The following SORCS1 variants were observed in gnomAD, a reference collection of about 807,000 sequenced individuals.
SORCS1 encodes sortilin related VPS10 domain containing receptor 1, also known as VPS10 domain-containing receptor SorCS1.
In SORCS1, 60 loss-of-function variants were observed where a neutral mutation model predicts 146.1. That is an observed-to-expected ratio of 0.41 (90% CI 0.33 to 0.51). SORCS1 has a LOEUF of 0.51. SORCS1 is among the 20% of genes least tolerant of loss of function. The pLI is 0.21. For missense variants in SORCS1, 1,352 were observed against 1,487.6 expected (o/e 0.91, Z 1.50); for synonymous variants, 637 against 584.0 (o/e 1.09, Z -1.31).
intron 1 of SORCS1, among the ~76,000 whole-genome samples, chr10:107,048,568 ATTAT>A (rs1419445046): frequency 1.3e-5 from 2 of 152,210 alleles, no homozygotes; most frequent in African/African-American, 4.8e-5. Context: ...TTTTCAATGA[ATTAT>A]TTAATAATAT....
chr10:106,697,670 G>A (rs776565543), intron 9 of SORCS1, among the ~76,000 whole-genome samples: 2 of 152,014 alleles, frequency 1.3e-5, no homozygotes, highest in African/African-American at 2.4e-5. Flanking sequence ...CCTGTGCTCC[G>A]TGCTTTGAAA....
intron 3 of SORCS1, among the ~76,000 whole-genome samples, chr10:106,798,127 G>C (rs577430569): frequency 2.0e-5 from 3 of 152,074 alleles, no homozygotes; most frequent in Non-Finnish European, 2.9e-5. Flanking sequence ...TAAGTCTCAC[G>C]AGATCTGATG....
chr10:106,680,147 C>CA (rs1564850965), intron 10 of SORCS1, among the ~76,000 whole-genome samples: 1 of 151,906 alleles, frequency 6.6e-6, no homozygotes, highest in Admixed American at 6.6e-5. Context: ...TGAATGACTC[C>CA]AAAAAGAAAA....
intron 2 of SORCS1, among the ~76,000 whole-genome samples, chr10:106,861,399 TAAAAAAAAA>T (rs35890575): frequency 7.0e-5 from 9 of 128,288 alleles, no homozygotes; most frequent in Non-Finnish European, 1.1e-4. Context: ...GACTCCGCCT[TAAAAAAAAA>T]AAAAAAAAAG....
chr10:106,834,326 G>C (rs901177096), intron 2 of SORCS1, among the ~76,000 whole-genome samples: 3 of 152,070 alleles, frequency 2.0e-5, no homozygotes, highest in Non-Finnish European at 4.4e-5. Context: ...CATTTTCCAA[G>C]AACAAAAAAT....
chr10:107,021,513 CAAAAAAAAAAAAA>C (rs869141427), intron 1 of SORCS1, among the ~76,000 whole-genome samples: 19 of 68,594 alleles, frequency 2.8e-4, no homozygotes, highest in Admixed American at 8.5e-4. Flanking sequence ...CACTCCGTCT[CAAAAAAAAAAAAA>C]AAAAAAAAAA....
intron 2 of SORCS1, among the ~76,000 whole-genome samples, chr10:106,929,557 T>C (rs1472790461): frequency 2.0e-5 from 3 of 152,238 alleles, no homozygotes; most frequent in Non-Finnish European, 2.9e-5. Flanking sequence ...ATTAGAGTGC[T>C]AATCAGCTTC....
chr10:107,103,004 CTA>C (rs1407992737), intron 1 of SORCS1, among the ~76,000 whole-genome samples: 12 of 152,074 alleles, frequency 7.9e-5, no homozygotes, highest in Non-Finnish European at 1.8e-4. Flanking sequence ...CATTTTTTGC[CTA>C]TCTAATTCGT....
At chr10:107,110,326 G>A (rs758480929) in intron 1 of SORCS1, among the ~76,000 whole-genome samples, 3 of 152,086 alleles carry the variant, frequency 2.0e-5, no homozygotes, top group Non-Finnish European at 4.4e-5. Flanking sequence ...CCTAAGACAA[G>A]GTAATTTATA....
intron 1 of SORCS1, among the ~76,000 whole-genome samples, chr10:107,087,134 TTTTAC>T: frequency 6.6e-6 from 1 of 152,342 alleles, no homozygotes; most frequent in African/African-American, 2.4e-5. Flanking sequence ...GCTTCATCTC[TTTTAC>T]TTTAAGTCCG....
chr10:106,675,227 C>A, intron 13 of SORCS1, 71 bp from the exon 14 acceptor site: 1 of 1,135,424 alleles, frequency 8.8e-7, no homozygotes, highest in Admixed American at 1.9e-5. Flanking sequence ...AGGAAAGATA[C>A]TCTCAACCCA....
chr10:106,958,131 G>T (rs1589792858), intron 1 of SORCS1, among the ~76,000 whole-genome samples: 1 of 152,312 alleles, frequency 6.6e-6, no homozygotes, highest in East Asian at 1.9e-4. Flanking sequence ...CACTTGCGAA[G>T]ATTCCACAGA....
At chr10:106,761,455 G>T in intron 5 of SORCS1, 133 bp downstream of exon 5, 1 of 702,422 alleles carries the variant, frequency 1.4e-6, no homozygotes, top group Non-Finnish European at 2.5e-6. Flanking sequence ...TGCCCTGAGG[G>T]GATGTGGGCA....
At chr10:107,117,504 G>A (rs1966118090) in intron 1 of SORCS1, among the ~76,000 whole-genome samples, 1 of 152,268 alleles carries the variant, frequency 6.6e-6, no homozygotes, top group South Asian at 2.1e-4. Context: ...GAGTACCCAG[G>A]AAAGCGCTGG....
chr10:106,952,134 C>T (rs560630203), intron 2 of SORCS1, among the ~76,000 whole-genome samples: 72 of 152,292 alleles, frequency 4.7e-4, no homozygotes, highest in African/African-American at 1.7e-3. Flanking sequence ...CTATGTTAAA[C>T]CCCTAACTTT....
At chr10:107,038,252 C>T (rs138526802) in intron 1 of SORCS1, among the ~76,000 whole-genome samples, 2,210 of 151,936 alleles carry the variant, frequency 0.015, 21 homozygotes, top group Admixed American at 0.022. Flanking sequence ...ATGGGGAAAA[C>T]GAAAAGAAAA....
intron 8 of SORCS1, among the ~76,000 whole-genome samples, chr10:106,700,553 T>C (rs910548939): frequency 3.3e-5 from 5 of 152,202 alleles, no homozygotes; most frequent in Non-Finnish European, 5.9e-5. Flanking sequence ...AGATGCACCA[T>C]ACTCTATTTT....
intron 3 of SORCS1, among the ~76,000 whole-genome samples, chr10:106,811,794 T>C (rs563549042): frequency 4.6e-5 from 7 of 152,180 alleles, no homozygotes; most frequent in East Asian, 1.9e-4. Context: ...GGGGAAATAA[T>C]TGTGGCCCTA....
intron 3 of SORCS1, among the ~76,000 whole-genome samples, chr10:106,787,268 T>C (rs1946099387): frequency 6.6e-6 from 1 of 152,052 alleles, no homozygotes; most frequent in African/African-American, 2.4e-5. Context: ...AAATTGAAAA[T>C]AGGATACTTA....
Sources: gnomAD v4.1 joint callset for allele counts (sites outside exome capture counted in the v4.1 genomes callset) on GRCh38, gnomAD v4.1.1 for gene constraint, MANE v1.5 for transcripts, NCBI Gene and HGNC (gene_info 2026-07-23, HGNC 2026-07-21) for gene names.